The following EYS variants were observed in gnomAD, a reference collection of about 807,000 sequenced individuals.
EYS encodes EGF-like photoreceptor maintenance factor.
In EYS, 250 loss-of-function variants were observed where a neutral mutation model predicts 282.1. The ratio of observed to expected loss-of-function variants is 0.89; its 90% CI spans 0.80 to 0.98. EYS has a LOEUF of 0.98. EYS is among the 50% of genes least tolerant of loss of function. The pLI is 0.00. For missense variants in EYS, 4,016 were observed against 3,709.0 expected (o/e 1.08, Z -2.15); for synonymous variants, 1,355 against 1,282.9 (o/e 1.06, Z -1.20).
chr6:65,341,023 TA>T (rs955367647), intron 10 of EYS, among the ~76,000 whole-genome samples: 105 of 150,962 alleles, frequency 7.0e-4, no homozygotes, highest in African/African-American at 2.3e-3. Flanking sequence ...TTCTTAAGAA[TA>T]AAAAAAATTC....
chr6:64,701,370 A>T (rs1770782089), intron 22 of EYS, among the ~76,000 whole-genome samples: 1 of 152,112 alleles, frequency 6.6e-6, no homozygotes, highest in Non-Finnish European at 1.5e-5. Flanking sequence ...CTTAAACTAA[A>T]ATAATCAACA....
At chr6:64,925,350 G>T (rs997088602) in intron 15 of EYS, among the ~76,000 whole-genome samples, 1 of 152,158 alleles carries the variant, frequency 6.6e-6, no homozygotes, top group Admixed American at 6.5e-5. Flanking sequence ...TTCAAGTTGA[G>T]ATTTGGATGG....
intron 26 of EYS, among the ~76,000 whole-genome samples, chr6:64,548,043 C>T (rs546593887): frequency 6.6e-6 from 1 of 152,308 alleles, no homozygotes; most frequent in South Asian, 2.1e-4. Flanking sequence ...CTGCGCCTGT[C>T]CCTCCACACC....
At chr6:65,313,511 G>A (rs1244003155) in intron 11 of EYS, among the ~76,000 whole-genome samples, 3 of 150,032 alleles carry the variant, frequency 2.0e-5, no homozygotes, top group Admixed American at 6.7e-5. Flanking sequence ...GCAGTTTTCC[G>A]TATCTCGATA....
chr6:64,416,033 A>T (rs1304450791), intron 28 of EYS, among the ~76,000 whole-genome samples: 1 of 152,172 alleles, frequency 6.6e-6, no homozygotes, highest in Non-Finnish European at 1.5e-5. Flanking sequence ...CTCGTGTGCT[A>T]TTCCAAAAGA....
chr6:63,983,026 T>A (rs1767175328), intron 35 of EYS, among the ~76,000 whole-genome samples: 1 of 151,762 alleles, frequency 6.6e-6, no homozygotes, highest in African/African-American at 2.4e-5. Flanking sequence ...TTATTAGATT[T>A]TGAAAAACAA....
chr6:63,721,284 C>T lies in EYS; in HGVS notation c.8747G>A (p.Cys2916Tyr). 1 of 1,551,966 alleles carries T rather than the reference C, an allele frequency of 6.4e-7. No individual in the cohort carries two copies. The highest frequency in any genetic ancestry group is 1.2e-5 in the South Asian group (1 of 84,060). ...AGNTCNQSVS[C>Y]LNNLCLHQSL... is the part of the protein sequence containing the mutation. ...TTGGTGGAGGCAAAGATTATTCAAA[C>T]AGGACACAGACTGGTTACATGTATT... The change falls in exon 43 of 43, where the codon TGT becomes TAT. Residue 2916 changes from cysteine to tyrosine, a missense_variant. Physicochemically the swap from Cys to Tyr is radical, Grantham distance 194. Coordinates refer to ENST00000503581, the MANE Select transcript of EYS (RefSeq NM_001142800.2).
chr6:63,833,836 A>G (rs565133943), intron 36 of EYS, among the ~76,000 whole-genome samples: 73 of 152,344 alleles, frequency 4.8e-4, no homozygotes, highest in Non-Finnish European at 9.0e-4. Context: ...TAACCAAAAC[A>G]GCATGCTACT....
rs576518776 is a variant in EYS at position 64,851,305 on chromosome 6, C to A, written c.2993-28483G>T. ...TGGACTTGTTGAAGGCCAGTGGCTC[C>A]TTTGTTTCGTGATTTTTTTTAAAAA... On this transcript the variant is annotated intron_variant, in intron 19 of 42. Transcript: ENST00000503581. Among the ~76,000 whole-genome samples, 14 of 152,002 alleles carry A rather than the reference C, an allele frequency of 9.2e-5. No homozygotes were observed. The South Asian group carries it at 1.9e-3, about 20-fold the overall frequency.
chr6:65,473,912 C>T (rs1044960096), intron 5 of EYS, among the ~76,000 whole-genome samples: 4 of 151,092 alleles, frequency 2.6e-5, no homozygotes, highest in African/African-American at 7.3e-5. Flanking sequence ...ATAACAAGGC[C>T]CAGTGTTTTT....
chr6:64,912,277 C>A (rs1562255368), intron 16 of EYS, among the ~76,000 whole-genome samples: 1 of 152,144 alleles, frequency 6.6e-6, no homozygotes, highest in East Asian at 1.9e-4. Flanking sequence ...TTTCCCTCTT[C>A]CCAATGGTTA....
chr6:64,872,495 G>C (rs553581687), intron 19 of EYS, among the ~76,000 whole-genome samples: 70 of 152,102 alleles, frequency 4.6e-4, no homozygotes, highest in African/African-American at 1.6e-3. Flanking sequence ...ATAGGATCCA[G>C]CCCAAAGTTT....
At chr6:64,411,638 T>C (rs1270549830) in intron 28 of EYS, among the ~76,000 whole-genome samples, 1 of 151,818 alleles carries the variant, frequency 6.6e-6, no homozygotes, top group East Asian at 1.9e-4. Context: ...AGGCCAGGAG[T>C]TCCAGACCAG....
intron 21 of EYS, among the ~76,000 whole-genome samples, chr6:64,821,417 TG>T (rs1220235932): frequency 6.6e-6 from 1 of 151,554 alleles, no homozygotes; most frequent in African/African-American, 2.4e-5. Context: ...AGGAGAATCG[TG>T]GAATTTTCTA....
intron 26 of EYS, among the ~76,000 whole-genome samples, chr6:64,472,764 C>G (rs1307344372): frequency 6.6e-6 from 1 of 152,094 alleles, no homozygotes; most frequent in Admixed American, 6.5e-5. Context: ...CTTAGGTGCA[C>G]TTAGATGAGA....
chr6:64,740,655 GC>G (rs1205343769), intron 22 of EYS, among the ~76,000 whole-genome samples: 1 of 151,522 alleles, frequency 6.6e-6, no homozygotes, highest in Non-Finnish European at 1.5e-5. Context: ...GCCTGTCATT[GC>G]ACAGTAACTT....
chr6:65,666,559 G>C (rs1032731995), intron 1 of EYS, among the ~76,000 whole-genome samples: 1 of 151,790 alleles, frequency 6.6e-6, no homozygotes, highest in Non-Finnish European at 1.5e-5. Context: ...TTATGTGGTT[G>C]TACTAAATAG....
chr6:64,371,616 A>C (rs1772378220), intron 29 of EYS, among the ~76,000 whole-genome samples: 1 of 152,122 alleles, frequency 6.6e-6, no homozygotes, highest in African/African-American at 2.4e-5. Context: ...TGGGGTGTTC[A>C]AGTCTTCCAC....
At chr6:64,170,001 T>C (rs1366531425) in intron 31 of EYS, among the ~76,000 whole-genome samples, 1 of 152,196 alleles carries the variant, frequency 6.6e-6, no homozygotes, top group Non-Finnish European at 1.5e-5. Flanking sequence ...GTTTCAATAC[T>C]ATACACCTTA....
Sources: gnomAD v4.1 joint callset for allele counts (sites outside exome capture counted in the v4.1 genomes callset) on GRCh38, gnomAD v4.1.1 for gene constraint, MANE v1.5 for transcripts, NCBI Gene and HGNC (gene_info 2026-07-23, HGNC 2026-07-21) for gene names.